Variants in KAZN observed in about 807,000 individuals in gnomAD.
KAZN encodes the protein kazrin, periplakin interacting protein, also known as kazrin.
Under a neutral mutation model 87.4 loss-of-function variants are expected in KAZN, and 40 were observed. The observed-to-expected ratio is 0.46, with a 90% CI of 0.36 to 0.60. The LOEUF (loss-of-function observed/expected upper bound fraction) is 0.60, where lower values mean the gene tolerates loss of function less well. Ranked by LOEUF, KAZN falls within the 20% of genes least tolerant of loss-of-function variation. The pLI is 0.00. For missense variants in KAZN, 898 were observed against 1,073.9 expected, an observed-to-expected ratio of 0.84 and a Z score of 2.29; for synonymous variants, 466 against 458.3, an observed-to-expected ratio of 1.02 and a Z score of -0.22.
chr1:14,450,127 C>CG (rs982742293), intron 2 of KAZN, among the ~76,000 whole-genome samples: 2 of 152,134 alleles, frequency 1.3e-5, no homozygotes, highest in Middle Eastern at 3.4e-3. Context: ...GCTGCCCCCC[C>CG]GCCTGCAGTC....
At chr1:14,918,134 C>T (rs1557619057) in intron 1 of KAZN, among the ~76,000 whole-genome samples, 1 of 152,132 alleles carries the variant, frequency 6.6e-6, no homozygotes, top group Non-Finnish European at 1.5e-5. Context: ...GCCTCAGCCT[C>T]CCAAAGTGCT....
At chr1:14,488,585 A>T (rs1669476198) in intron 2 of KAZN, among the ~76,000 whole-genome samples, 1 of 152,208 alleles carries the variant, frequency 6.6e-6, no homozygotes, top group Non-Finnish European at 1.5e-5. Context: ...GAAAGAGCAC[A>T]ATTAAAGCAT....
intron 2 of KAZN, among the ~76,000 whole-genome samples, chr1:15,000,764 G>A (rs1014240068): frequency 6.6e-6 from 1 of 151,904 alleles, no homozygotes; most frequent in Admixed American, 6.6e-5. Context: ...GGTGTGCCTG[G>A]CACAGTGCTT....
intron 1 of KAZN, among the ~76,000 whole-genome samples, chr1:14,017,631 C>T (rs1640632185): frequency 6.6e-6 from 1 of 152,238 alleles, no homozygotes; most frequent in East Asian, 1.9e-4. Flanking sequence ...CTTCACCAGG[C>T]TGCAGAGGCT....
chr1:14,633,988 G>A (rs2148663713), intron 1 of KAZN, among the ~76,000 whole-genome samples: 1 of 152,154 alleles, frequency 6.6e-6, no homozygotes, highest in Non-Finnish European at 1.5e-5. Flanking sequence ...CTGGTGCCCT[G>A]GTGCCTACCT....
At position 14,623,327 on chromosome 1, in the gene KAZN, A is replaced by G. The variant is rs569282293; in HGVS notation, c.226+24104A>G. ...GATCATATCCTTTGCAGCCACATAG[A>G]TGGAACTGGAGGCCATTATGCTCAG... On this transcript the variant is annotated intron_variant, in intron 1 of 14. Transcript: ENST00000376030. Among the ~76,000 whole-genome samples, 8 of 152,354 alleles carry G rather than the reference A, an allele frequency of 5.3e-5. No homozygotes were observed. The East Asian group carries it at 1.5e-3, about 29-fold the overall frequency.
intron 2 of KAZN, among the ~76,000 whole-genome samples, chr1:14,208,645 A>T (rs1646791423): frequency 6.6e-6 from 1 of 152,228 alleles, no homozygotes; most frequent in Non-Finnish European, 1.5e-5. Flanking sequence ...AATGTCCTGC[A>T]CTTTGCCAAG....
chr1:14,291,659 G>A (rs185958278), intron 2 of KAZN, among the ~76,000 whole-genome samples: 319 of 152,284 alleles, frequency 2.1e-3, no homozygotes, highest in Non-Finnish European at 3.9e-3. Flanking sequence ...GTGATGCCCT[G>A]CCCTGTTTCA....
chr1:14,409,180 A>G (rs552821272), intron 2 of KAZN, among the ~76,000 whole-genome samples: 70 of 152,342 alleles, frequency 4.6e-4, no homozygotes, highest in Non-Finnish European at 6.2e-4. Flanking sequence ...ATTGTTTTAA[A>G]TGCATAGATG....
At chr1:14,391,132 A>C (rs1557684883) in intron 2 of KAZN, among the ~76,000 whole-genome samples, 1 of 152,120 alleles carries the variant, frequency 6.6e-6, no homozygotes, top group Non-Finnish European at 1.5e-5. Flanking sequence ...AGGCAATTAT[A>C]ATACCCAGGA....
chr1:14,731,627 G>C (rs1005237570), intron 1 of KAZN, among the ~76,000 whole-genome samples: 1 of 152,252 alleles, frequency 6.6e-6, no homozygotes, highest in African/African-American at 2.4e-5. Flanking sequence ...ACATATGGTA[G>C]ATGTGGCTCA....
intron 1 of KAZN, among the ~76,000 whole-genome samples, chr1:14,078,763 C>T (rs1643559094): frequency 6.6e-6 from 1 of 152,196 alleles, no homozygotes; most frequent in Non-Finnish European, 1.5e-5. Flanking sequence ...CAGCTCACTG[C>T]AAACTCTGCC....
intron 2 of KAZN, among the ~76,000 whole-genome samples, chr1:14,382,758 GAAT>G (rs1283266457): frequency 1.3e-5 from 2 of 148,718 alleles, no homozygotes; most frequent in East Asian, 2.0e-4. Flanking sequence ...TTGCTATTGT[GAAT>G]AATGCCGCAA....
intron 2 of KAZN, among the ~76,000 whole-genome samples, chr1:14,533,294 G>T (rs1447184604): frequency 7.9e-5 from 12 of 152,176 alleles, no homozygotes; most frequent in African/African-American, 2.9e-4. Context: ...GGGGGAAAAT[G>T]AGATACATTG....
At chr1:14,277,108 A>T (rs1391896385) in intron 2 of KAZN, among the ~76,000 whole-genome samples, 1 of 152,150 alleles carries the variant, frequency 6.6e-6, no homozygotes, top group Non-Finnish European at 1.5e-5. Flanking sequence ...TACTTGGGAA[A>T]ATTTCAAACA....
Position 14,312,350 on chromosome 1 carries a change from C to G in KAZN, c.249+131758C>G, listed in dbSNP as rs796858234. Among the ~76,000 whole-genome samples, 185 of 152,302 alleles carry G rather than the reference C, an allele frequency of 1.2e-3. 1 individual carries two copies. The highest frequency in any genetic ancestry group is 4.0e-3 in the African/African-American group (168 of 41,584). On this transcript the variant is annotated intron_variant, in intron 2 of 16. Transcript: ENST00000636203. ...ACAATTAAAGCTGTGCACTTACCTT[C>G]TAGCCGGCCCTGCGTTAGGGCTTTG...
chr1:13,901,042 G>GAAA (rs35671009), intron 1 of KAZN, among the ~76,000 whole-genome samples: 1 of 145,788 alleles, frequency 6.9e-6, no homozygotes, highest in African/African-American at 2.5e-5. Context: ...GCTAATCATT[G>GAAA]AAAAAAAAAA....
chr1:14,845,842 G>A (rs997995215), intron 1 of KAZN, among the ~76,000 whole-genome samples: 3 of 152,136 alleles, frequency 2.0e-5, no homozygotes, highest in Admixed American at 6.5e-5. Context: ...AGAGTGGTCA[G>A]ACCTCGAGGC....
intron 1 of KAZN, among the ~76,000 whole-genome samples, chr1:14,075,548 G>A (rs1643418444): frequency 6.6e-6 from 1 of 152,086 alleles, no homozygotes; most frequent in South Asian, 2.1e-4. Flanking sequence ...GGGGGCAGAA[G>A]ACATTTTGTT....
Sources: allele counts gnomAD v4.1 joint callset (sites outside exome capture counted in the v4.1 genomes callset), GRCh38; gene constraint gnomAD v4.1.1; transcripts MANE v1.5; gene names NCBI Gene and HGNC (gene_info 2026-07-23, HGNC 2026-07-21).